Variants in ROCK1 observed in about 807,000 individuals in gnomAD.
The protein encoded by ROCK1 is rho-associated protein kinase 1.
A neutral mutation model predicts 196.8 loss-of-function variants in ROCK1; 36 were observed. That is an observed-to-expected ratio of 0.18 (90% CI 0.14 to 0.24). The LOEUF is 0.24. Among genes scored for constraint, ROCK1 ranks in the 10% least tolerant of loss-of-function variants. The pLI, the probability that ROCK1 is intolerant of heterozygous loss-of-function variation, is 1.00. For synonymous variants in ROCK1, 443 were observed against 515.9 expected (o/e 0.86, Z 1.91); for missense variants, 920 against 1,562.0 (o/e 0.59, Z 6.93).
At chr18:20,978,027 C>T (rs761030754) in intron 22 of ROCK1, among the ~76,000 whole-genome samples, 4 of 152,174 alleles carry the variant, frequency 2.6e-5, no homozygotes, top group Non-Finnish European at 4.4e-5. Context: ...AGCTCTGCAA[C>T]AAACTATTGT....
At chr18:21,053,490 C>T (rs932484659) in intron 2 of ROCK1, among the ~76,000 whole-genome samples, 1 of 152,104 alleles carries the variant, frequency 6.6e-6, no homozygotes, top group Admixed American at 6.6e-5. Flanking sequence ...TAAAAAAATG[C>T]TTTGCCACCT....
Position 21,059,691 on chromosome 18 carries a change from C to A in ROCK1, c.176-9811G>T, listed in dbSNP as rs935354786. 2.6e-5 allele frequency among the ~76,000 whole-genome samples: 4 copies of A among 152,248 alleles called. No individual in the cohort carries two copies. The East Asian group carries it at 7.7e-4, about 29-fold the overall frequency. ...ACCCACCAATTCCACTTCTAGGTAT[C>A]TACGCAAGAACAATAAAAACATATG... On this transcript the variant is annotated intron_variant, in intron 2 of 32. Coordinates refer to ENST00000399799, the MANE Select transcript of ROCK1 (RefSeq NM_005406.3).
chr18:20,970,388 T>C lies in ROCK1; in HGVS notation c.2780A>G (p.Asn927Ser), dbSNP rs774846367. The C allele has an allele frequency of 6.2e-6, 10 of 1,614,028 alleles. No individual in the cohort carries two copies. The highest frequency in any genetic ancestry group is 1.7e-4 in the Middle Eastern group (1 of 6,060). ...TQESKKAASR[N>S]RQEITDKDHT... ...ATCTTTATCTGTAATCTCTTGTCTATTTCTTGAAGCAGCTTTCTTGCTTTC... is the reference window on the plus strand; with the variant it reads ...ATCTTTATCTGTAATCTCTTGTCTACTTCTTGAAGCAGCTTTCTTGCTTTC... Residue 927 changes from asparagine to serine, a missense_variant, in exon 23 of 33, where the codon AAT becomes AGT. This residue lies in a region of ROCK1 where 520 missense variants were observed against 657.1 expected (regional missense o/e 0.79). Coordinates refer to ENST00000399799, the MANE Select transcript of ROCK1 (RefSeq NM_005406.3).
At chr18:21,013,295 G>A (rs1424258646) in intron 13 of ROCK1, among the ~76,000 whole-genome samples, 1 of 152,170 alleles carries the variant, frequency 6.6e-6, no homozygotes, top group East Asian at 1.9e-4. Context: ...TCTGCCAGGT[G>A]GAGTTTGCAG....
chr18:21,038,547 T>A (rs2036077061), intron 9 of ROCK1, among the ~76,000 whole-genome samples: 1 of 152,196 alleles, frequency 6.6e-6, no homozygotes, highest in African/African-American at 2.4e-5. Context: ...ATGATTTATT[T>A]CATCAGAATT....
rs756160749 is a variant in ROCK1, at chr18:20,954,884, T to C, written c.3752A>G (p.His1251Arg). 1 of 1,614,000 alleles carries C rather than the reference T, an allele frequency of 6.2e-7. No individual in the cohort carries two copies. The stretch of plus-strand genomic sequence containing the variant: ...TAGGGCAGGGGGTGGCTTAAAAACA[T>C]GCCAGAGAGGTTTGGCACAGGCATC... ...NCDACAKPLW[H>R]VFKPPPALEC... Residue 1251 changes from histidine (H) to arginine (R), a missense_variant, in exon 31 of 33, where the codon CAT (histidine) becomes CGT (arginine). His to Arg is a conservative substitution (Grantham distance 29). This residue lies in a region of ROCK1 where 49 missense variants were observed against 180.4 expected (regional missense o/e 0.27). Transcript: ENST00000399799.
intron 29 of ROCK1, among the ~76,000 whole-genome samples, chr18:20,958,957 T>A (rs1218660691): frequency 2.3e-4 from 22 of 94,122 alleles, no homozygotes; most frequent in African/African-American, 8.6e-4. Context: ...TATATATATT[T>A]TATATAATAT....
intron 28 of ROCK1, 48 bp from the exon 29 acceptor site, chr18:20,959,976 G>A: frequency 8.2e-7 from 1 of 1,226,208 alleles, no homozygotes; most frequent in Non-Finnish European, 1.2e-6. Flanking sequence ...ACATTAACTT[G>A]GTTTAAAGTG....
At chr18:21,040,957 T>C (rs994373442) in intron 8 of ROCK1, among the ~76,000 whole-genome samples, 1 of 151,494 alleles carries the variant, frequency 6.6e-6, no homozygotes, top group Non-Finnish European at 1.5e-5. Context: ...ACCCTCTCTA[T>C]CAAAAATACA....
At chr18:21,070,175 T>C (rs1322907204) in intron 2 of ROCK1, among the ~76,000 whole-genome samples, 2 of 152,036 alleles carry the variant, frequency 1.3e-5, no homozygotes, top group African/African-American at 4.8e-5. Context: ...TAAAATCCAA[T>C]CTAAAAAGGA....
In ROCK1 at chr18:21,006,601, T is replaced by C; in HGVS notation, c.1639-4A>G. 6.2e-7 allele frequency: 1 copy of C among 1,605,960 alleles called. No homozygotes were observed. Among genetic ancestry groups the C allele is most frequent in the Non-Finnish European group, 8.5e-7 (1 of 1,177,772 alleles). ...GTAAGTCATTGGCTTCTTCTAGCTA[T>C]TTAAAAAGAAAGCAAAAAAATAGGT... On this transcript the variant is annotated splice_region_variant and splice_polypyrimidine_tract_variant and intron_variant, in intron 15 of 32. Coordinates refer to ENST00000399799, the MANE Select transcript of ROCK1 (RefSeq NM_005406.3).
chr18:21,060,899 G>A (rs566191858), intron 2 of ROCK1, among the ~76,000 whole-genome samples: 13 of 149,404 alleles, frequency 8.7e-5, no homozygotes, highest in East Asian at 3.9e-4. Flanking sequence ...GAATATTTAC[G>A]GCAGCTTTAT....
intron 1 of ROCK1, among the ~76,000 whole-genome samples, chr18:21,107,664 C>T (rs952040292): frequency 6.6e-6 from 1 of 152,180 alleles, no homozygotes; most frequent in Non-Finnish European, 1.5e-5. Context: ...AATGAATGAA[C>T]GAACGAATGC....
intron 13 of ROCK1, among the ~76,000 whole-genome samples, chr18:21,008,752 T>C (rs1466384091): frequency 2.0e-5 from 3 of 152,238 alleles, no homozygotes; most frequent in Non-Finnish European, 4.4e-5. Flanking sequence ...GTCTTTCTGA[T>C]TCTAAGAGTT....
intron 9 of ROCK1, among the ~76,000 whole-genome samples, chr18:21,030,954 G>T (rs1187545206): frequency 6.6e-6 from 1 of 152,122 alleles, no homozygotes; most frequent in Non-Finnish European, 1.5e-5. Context: ...AACAAGCAAG[G>T]AGTGTTTAAT....
At chr18:20,952,744 C>A (rs1318375366) in intron 32 of ROCK1, among the ~76,000 whole-genome samples, 1 of 151,716 alleles carries the variant, frequency 6.6e-6, no homozygotes, top group Admixed American at 6.6e-5. Flanking sequence ...CACCACTGCA[C>A]TCCAGCCTGG....
chr18:21,039,422 C>T (rs894578748), intron 9 of ROCK1, 50 bp downstream of exon 9: 29 of 1,336,724 alleles, frequency 2.2e-5, no homozygotes, highest in Middle Eastern at 2.2e-4. Flanking sequence ...CAAACTACCA[C>T]AACTACTTTC....
intron 9 of ROCK1, among the ~76,000 whole-genome samples, chr18:21,035,684 T>C (rs946954954): frequency 1.3e-5 from 2 of 152,288 alleles, no homozygotes; most frequent in African/African-American, 2.4e-5. Context: ...CTAAAAGAGA[T>C]AGCAATCTTA....
chr18:20,952,795 A>AG (rs1413113896), intron 32 of ROCK1, among the ~76,000 whole-genome samples: 4 of 151,642 alleles, frequency 2.6e-5, no homozygotes, highest in Non-Finnish European at 5.9e-5. Context: ...AAAAAAAAAA[A>AG]GGGGGTCATG....
Sources: gnomAD v4.1 joint callset for allele counts (sites outside exome capture counted in the v4.1 genomes callset) on GRCh38, gnomAD v4.1.1 for gene constraint, gnomAD v4.1.1 regional missense constraint, MANE v1.5 for transcripts, NCBI Gene and HGNC (gene_info 2026-07-23, HGNC 2026-07-21) for gene names.